Variants in SORT1 observed in about 807,000 individuals in gnomAD.
SORT1 encodes the protein sortilin 1.
A neutral mutation model predicts 101.7 loss-of-function variants in SORT1; 39 were observed. That is an observed-to-expected ratio of 0.38 (90% CI 0.30 to 0.50). The LOEUF (loss-of-function observed/expected upper bound fraction) is 0.50, where lower values mean the gene tolerates loss of function less well. SORT1 is among the 20% of genes least tolerant of loss of function. The probability of loss-of-function intolerance (pLI) is 0.90; values close to 1 mark genes in which losing one functional copy is unlikely to be tolerated. For missense variants in SORT1, 878 were observed against 1,040.4 expected, an observed-to-expected ratio of 0.84 and a Z score of 2.15; for synonymous variants, 396 against 393.7, an observed-to-expected ratio of 1.01 and a Z score of -0.07.
rs980336059 is a variant in SORT1, at chr1:109,350,950, T to C, written c.761A>G (p.Lys254Arg). 1.2e-6 allele frequency: 2 copies of C among 1,612,696 alleles called. No homozygotes were observed. The highest frequency in any genetic ancestry group is 1.7e-6 in the Non-Finnish European group (2 of 1,178,636). Residue 254 changes from lysine (K) to arginine (R), a missense_variant, in exon 6 of 20, where the codon AAA becomes AGA. By Grantham distance (26) the Lys-to-Arg change is conservative (BLOSUM62 2). This residue lies in a region of SORT1 where 684 missense variants were observed against 894.5 expected (regional missense o/e 0.76). Coordinates refer to ENST00000256637, the MANE Select transcript of SORT1 (RefSeq NM_002959.7). ...NFGGKWEEIH[K>R]AVCLAKWGSD... ...TCACCATTTGGCCAAACATACTGCT[T>C]TGTGGATTTCTTCCCATTTTCCCCC...
chr1:109,364,467 A>T (rs2101619851), intron 3 of SORT1, among the ~76,000 whole-genome samples: 1 of 152,340 alleles, frequency 6.6e-6, no homozygotes, highest in South Asian at 2.1e-4. Flanking sequence ...AATATGTATG[A>T]TACTGATCAC....
intron 15 of SORT1, among the ~76,000 whole-genome samples, chr1:109,319,909 T>A (rs1647509433): frequency 6.6e-6 from 1 of 151,012 alleles, no homozygotes; most frequent in Admixed American, 6.6e-5. Flanking sequence ...GTGTCTGCAG[T>A]GCCCCTAAGG....
rs1044398470 is a variant in SORT1 at position 109,386,433 on chromosome 1, C to G, written c.306+11154G>C. The stretch of plus-strand genomic sequence containing the variant: ...AGAAGGGCATTCAGACAGGAAGAAA[C>G]CCATGAAAACAAAGATGGAGAAGCA... On this transcript the variant is annotated intron_variant, in intron 1 of 19. Coordinates refer to ENST00000256637, the MANE Select transcript of SORT1 (RefSeq NM_002959.7). Among the ~76,000 whole-genome samples the G allele has an allele frequency of 1.3e-5, 2 of 152,090 alleles. 1 individual carries two copies. The highest frequency in any genetic ancestry group is 4.1e-4 in the South Asian group (2 of 4,834).
chr1:109,319,706 A>G (rs1476178689), intron 15 of SORT1, among the ~76,000 whole-genome samples: 2 of 152,024 alleles, frequency 1.3e-5, no homozygotes, highest in Admixed American at 1.3e-4. Flanking sequence ...TCTTTACTAG[A>G]AATACAAAAA....
In SORT1 at chr1:109,345,736, G is replaced by A. The variant is rs1432948938; in HGVS notation, c.963+15C>T. On this transcript the variant is annotated intron_variant, in intron 8 of 19. Transcript: ENST00000256637. ...CAGAAATATCAGACCCCAAAGGGGA[G>A]AGGGCAATACCTACCTTATCAGCCA... 1 of 1,602,182 alleles carries A rather than the reference G, an allele frequency of 6.2e-7. No individual in the cohort carries two copies.
chr1:109,397,556 C>G (rs1653268215), intron 1 of SORT1, 31 bp downstream of exon 1: 1 of 1,150,672 alleles, frequency 8.7e-7, no homozygotes, highest in Non-Finnish European at 1.1e-6. Flanking sequence ...ACCTCGCACC[C>G]GAGCGGCTCC....
intron 3 of SORT1, among the ~76,000 whole-genome samples, chr1:109,364,633 G>A (rs904647767): frequency 6.6e-6 from 1 of 152,238 alleles, no homozygotes; most frequent in Non-Finnish European, 1.5e-5. Context: ...CATAATGCCA[G>A]GTGTTAGTAA....
chr1:109,348,782 T>C lies in SORT1; in HGVS notation c.783-1250A>G, dbSNP rs542154843. Among the ~76,000 whole-genome samples, 5 of 152,186 alleles carry C rather than the reference T, an allele frequency of 3.3e-5. No homozygotes were observed. In the East Asian group the frequency reaches 7.7e-4, roughly 24 times the overall value. On this transcript the variant is annotated intron_variant, in intron 6 of 19. Transcript: ENST00000256637. ...TGCTTGGATTAGGGGTATGAGCCAC[T>C]GCACTTGGCTAAAGATGAGTTTTAA... is the stretch of plus-strand genomic sequence containing the variant.
At chr1:109,341,535 G>C (rs1416043701) in intron 9 of SORT1, among the ~76,000 whole-genome samples, 2 of 151,994 alleles carry the variant, frequency 1.3e-5, no homozygotes, top group African/African-American at 4.8e-5. Flanking sequence ...TTTTGTAGTA[G>C]AGATGGGGTT....
Position 109,327,603 on chromosome 1 carries a change from T to C in SORT1, c.1372-2A>G. ...GGAAGCATGAATATGAAGGCTGCAC[T>C]GTGAAAAGAAACAAAAGCGTAGATT... On this transcript the variant is annotated splice_acceptor_variant, in intron 11 of 19. Transcript: ENST00000256637. LOFTEE classifies it high-confidence loss of function. 2 of 1,563,350 alleles carry C rather than the reference T, an allele frequency of 1.3e-6. No homozygotes were observed. The highest frequency in any genetic ancestry group is 1.7e-4 in the Middle Eastern group (1 of 5,902).
At chr1:109,351,293 G>T (rs1649941624) in intron 5 of SORT1, among the ~76,000 whole-genome samples, 1 of 152,172 alleles carries the variant, frequency 6.6e-6, no homozygotes, top group Non-Finnish European at 1.5e-5. Flanking sequence ...CTGAGAGAAG[G>T]GGCTCACAGT....
At position 109,314,115 on chromosome 1, in the gene SORT1, A is replaced by G. The variant is rs1658885607; in HGVS notation, c.2482-58T>C. On this transcript the variant is annotated intron_variant, in intron 19 of 19. Transcript: ENST00000256637. ...CCACAACACTCCTATTTCAAAAGCA[A>G]TCACCTAGTTTCTGGGCTTGCCAAA... 9 of 1,611,516 alleles carry G rather than the reference A, an allele frequency of 5.6e-6. No homozygotes were observed. In the Middle Eastern group the frequency reaches 8.2e-4, roughly 147 times the overall value.
At chr1:109,377,971 C>A (rs1651968263) in intron 1 of SORT1, among the ~76,000 whole-genome samples, 1 of 152,060 alleles carries the variant, frequency 6.6e-6, no homozygotes, top group Non-Finnish European at 1.5e-5. Flanking sequence ...GTGGTTCATG[C>A]CTGTAATCCC....
intron 3 of SORT1, among the ~76,000 whole-genome samples, chr1:109,362,271 C>A (rs956949249): frequency 5.9e-5 from 9 of 152,064 alleles, no homozygotes; most frequent in Non-Finnish European, 1.3e-4. Flanking sequence ...GAAACCTAAC[C>A]CTATATGTCC....
intron 3 of SORT1, among the ~76,000 whole-genome samples, chr1:109,361,780 G>C (rs1170153422): frequency 2.6e-5 from 4 of 152,028 alleles, no homozygotes; most frequent in Non-Finnish European, 5.9e-5. Context: ...CCCCAAATCA[G>C]TACTCATGGT....
In SORT1 at chr1:109,397,567, CG is replaced by C; in HGVS notation, c.306+19del. On this transcript the variant is annotated intron_variant, in intron 1 of 19. Transcript: ENST00000256637. ...CGGCACCTCGCACCCGAGCGGCTCC[CG>C]GGCCCGGCGCCCGCTCACCTGGTGC... 8.5e-7 allele frequency: 1 copy of C among 1,173,626 alleles called. No homozygotes were observed. Among genetic ancestry groups the C allele is most frequent in the Non-Finnish European group, 1.1e-6 (1 of 948,258 alleles). 72.7% of individuals were successfully genotyped at this position (1,173,626 alleles called of 1,614,324 possible).
intron 3 of SORT1, among the ~76,000 whole-genome samples, chr1:109,363,458 C>T (rs1448927336): frequency 2.0e-5 from 3 of 152,088 alleles, no homozygotes; most frequent in Non-Finnish European, 2.9e-5. Context: ...TATGCATGTA[C>T]ATACACACAA....
At chr1:109,383,576 A>G (rs914399925) in intron 1 of SORT1, among the ~76,000 whole-genome samples, 4 of 152,226 alleles carry the variant, frequency 2.6e-5, no homozygotes, top group African/African-American at 9.6e-5. Flanking sequence ...CCTCAGGGGT[A>G]AAACTGAGAA....
intron 15 of SORT1, among the ~76,000 whole-genome samples, chr1:109,322,077 G>A (rs529178291): frequency 2.6e-5 from 4 of 151,966 alleles, no homozygotes; most frequent in African/African-American, 9.6e-5. Context: ...AGCTCATGCT[G>A]TCAAGGGGTT....
Sources: gnomAD v4.1 joint callset for allele counts (sites outside exome capture counted in the v4.1 genomes callset) on GRCh38, gnomAD v4.1.1 for gene constraint, gnomAD v4.1.1 regional missense constraint, MANE v1.5 for transcripts, NCBI Gene and HGNC (gene_info 2026-07-23, HGNC 2026-07-21) for gene names.